The following CNTNAP2 variants were observed in gnomAD, a reference collection of about 807,000 sequenced individuals.
CNTNAP2 encodes the protein contactin associated protein 2.
A neutral mutation model predicts 155.2 loss-of-function variants in CNTNAP2; 98 were observed. The ratio of observed to expected loss-of-function variants is 0.63; its 90% confidence interval spans 0.54 to 0.75. The LOEUF is 0.75. Among genes scored for constraint, CNTNAP2 ranks in the 30% least tolerant of loss-of-function variants. CNTNAP2 has a pLI of 0.00. For synonymous variants in CNTNAP2, 651 were observed against 631.2 expected (o/e 1.03, Z -0.47); for missense variants, 1,727 against 1,688.1 (o/e 1.02, Z -0.40).
At chr7:147,963,942 A>G (rs773453662) in intron 14 of CNTNAP2, among the ~76,000 whole-genome samples, 8 of 152,164 alleles carry the variant, frequency 5.3e-5, no homozygotes, top group Non-Finnish European at 8.8e-5. Flanking sequence ...ATAAAACATT[A>G]TATATAACCA....
At chr7:147,935,372 G>A (rs918013980) in intron 14 of CNTNAP2, among the ~76,000 whole-genome samples, 4 of 152,058 alleles carry the variant, frequency 2.6e-5, no homozygotes, top group African/African-American at 9.7e-5. Context: ...TGATCTGCCC[G>A]CCTCAGCCTC....
At chr7:146,119,764 A>G (rs992897331) in intron 1 of CNTNAP2, among the ~76,000 whole-genome samples, 4 of 152,134 alleles carry the variant, frequency 2.6e-5, no homozygotes, top group Non-Finnish European at 5.9e-5. Context: ...TAGTAGAACT[A>G]TTAACCTATA....
At chr7:148,301,284 A>C (rs1797383397) in intron 21 of CNTNAP2, among the ~76,000 whole-genome samples, 1 of 100,748 alleles carries the variant, frequency 9.9e-6, no homozygotes, top group Non-Finnish European at 2.0e-5. Context: ...ACAAGGCGAG[A>C]CTCCGTCTAA....
intron 1 of CNTNAP2, among the ~76,000 whole-genome samples, chr7:146,374,254 T>C (rs1795275810): frequency 6.6e-6 from 1 of 152,164 alleles, no homozygotes; most frequent in African/African-American, 2.4e-5. Context: ...AAATCACAAA[T>C]GATAAAGAGC....
chr7:146,937,401 C>T (rs1320148973), intron 3 of CNTNAP2, among the ~76,000 whole-genome samples: 2 of 149,170 alleles, frequency 1.3e-5, no homozygotes, highest in South Asian at 2.2e-4. Context: ...AAGCGAAAAC[C>T]GACTGTTAAT....
chr7:147,485,800 A>G lies in CNTNAP2; in HGVS notation c.1671-135A>G. ...TTCATGAATCATATTAATCTGCTTA[A>G]ACTAACAAGGATTAATTGCCTTGGT... On this transcript the variant is annotated intron_variant, in intron 10 of 23. Transcript: ENST00000361727. The G allele has an allele frequency of 3.6e-6, 3 of 822,590 alleles. No homozygotes were observed. The South Asian group carries it at 4.1e-5, about 11-fold the overall frequency. 51.0% of individuals were successfully genotyped at this position (822,590 alleles called of 1,614,324 possible).
At chr7:146,553,641 A>G (rs1798153408) in intron 1 of CNTNAP2, among the ~76,000 whole-genome samples, 1 of 152,148 alleles carries the variant, frequency 6.6e-6, no homozygotes, top group Non-Finnish European at 1.5e-5. Context: ...TTTCATTTAC[A>G]TTTGAAAGAA....
At chr7:147,652,155 C>A (rs997030614) in intron 13 of CNTNAP2, among the ~76,000 whole-genome samples, 1 of 152,172 alleles carries the variant, frequency 6.6e-6, no homozygotes, top group East Asian at 1.9e-4. Context: ...CTCTGAAATA[C>A]TAGTAACACT....
intron 1 of CNTNAP2, among the ~76,000 whole-genome samples, chr7:146,504,486 G>T (rs1226383935): frequency 2.0e-5 from 3 of 152,186 alleles, no homozygotes; most frequent in African/African-American, 7.2e-5. Flanking sequence ...CAATATGTAG[G>T]CCTATCAGGT....
At chr7:147,662,891 A>G (rs1188990939) in intron 13 of CNTNAP2, among the ~76,000 whole-genome samples, 1 of 152,166 alleles carries the variant, frequency 6.6e-6, no homozygotes, top group Non-Finnish European at 1.5e-5. Flanking sequence ...TTTTTATTGT[A>G]TTTCTTAAAA....
intron 8 of CNTNAP2, among the ~76,000 whole-genome samples, chr7:147,212,395 T>C (rs1297965619): frequency 4.6e-5 from 7 of 152,270 alleles, no homozygotes; most frequent in Admixed American, 3.9e-4. Context: ...CACCATGTAA[T>C]ACTGTGCAGC....
At chr7:146,271,116 C>CT (rs964141399) in intron 1 of CNTNAP2, among the ~76,000 whole-genome samples, 32 of 151,932 alleles carry the variant, frequency 2.1e-4, no homozygotes, top group Non-Finnish European at 4.0e-4. Flanking sequence ...CTATGGTTTG[C>CT]TTTTTTTAAT....
chr7:146,403,470 AAC>A (rs1242002919), intron 1 of CNTNAP2, among the ~76,000 whole-genome samples: 2 of 152,140 alleles, frequency 1.3e-5, no homozygotes, highest in Non-Finnish European at 2.9e-5. Context: ...AAAACTATGA[AAC>A]ACACTATTTG....
chr7:147,119,543 C>A (rs1801058511), intron 5 of CNTNAP2, among the ~76,000 whole-genome samples: 1 of 152,190 alleles, frequency 6.6e-6, no homozygotes, highest in African/African-American at 2.4e-5. Context: ...CTTCCTCTCT[C>A]TTCCTCTTCC....
At chr7:147,480,790 G>A (rs763091054) in intron 10 of CNTNAP2, among the ~76,000 whole-genome samples, 5 of 152,120 alleles carry the variant, frequency 3.3e-5, no homozygotes, top group Non-Finnish European at 4.4e-5. Context: ...AGAGAAGTGC[G>A]ATGCGCTAGA....
intron 1 of CNTNAP2, among the ~76,000 whole-genome samples, chr7:146,570,787 G>A (rs1453577671): frequency 6.6e-6 from 1 of 151,728 alleles, no homozygotes; most frequent in Non-Finnish European, 1.5e-5. Context: ...TTTCCTATCA[G>A]CAATGATTAG....
intron 1 of CNTNAP2, among the ~76,000 whole-genome samples, chr7:146,312,698 C>A (rs529287499): frequency 6.6e-6 from 1 of 152,118 alleles, no homozygotes; most frequent in Non-Finnish European, 1.5e-5. Context: ...CTTTGTACCT[C>A]TGATTAACAT....
At chr7:147,497,443 G>A (rs945428824) in intron 11 of CNTNAP2, among the ~76,000 whole-genome samples, 1 of 152,136 alleles carries the variant, frequency 6.6e-6, no homozygotes, top group Non-Finnish European at 1.5e-5. Flanking sequence ...CACTATCTGG[G>A]CCTGTTGAGA....
At chr7:146,517,911 C>T (rs1284316085) in intron 1 of CNTNAP2, among the ~76,000 whole-genome samples, 2 of 151,852 alleles carry the variant, frequency 1.3e-5, no homozygotes. Flanking sequence ...CTTATTTAAA[C>T]ATTGGAAGAG....
Sources: gnomAD v4.1 joint callset for allele counts (sites outside exome capture counted in the v4.1 genomes callset) on GRCh38, gnomAD v4.1.1 for gene constraint, MANE v1.5 for transcripts, NCBI Gene and HGNC (gene_info 2026-07-23, HGNC 2026-07-21) for gene names.